Variants in PILRA observed in about 807,000 individuals in gnomAD.
The protein encoded by PILRA is paired immunoglobin like type 2 receptor alpha, also known as paired immunoglobulin-like type 2 receptor alpha.
A neutral mutation model predicts 33.1 loss-of-function variants in PILRA; 37 were observed. The ratio of observed to expected loss-of-function variants is 1.12; its 90% CI spans 0.86 to 1.47. The LOEUF is 1.47. PILRA is among the 40% of genes most tolerant of loss of function. PILRA has a pLI of 0.00. For missense variants in PILRA, 312 were observed against 376.2 expected, an observed-to-expected ratio of 0.83 and a Z score of 1.41; for synonymous variants, 146 against 149.9, an observed-to-expected ratio of 0.97 and a Z score of 0.19.
intron 3 of PILRA, among the ~76,000 whole-genome samples, chr7:100,397,434 G>A (rs527732889): frequency 1.3e-5 from 2 of 151,446 alleles, no homozygotes; most frequent in African/African-American, 4.9e-5. Context: ...TGAGTCCCAA[G>A]CACGACGCTC....
At chr7:100,390,609 A>G (rs887165674) in intron 3 of PILRA, among the ~76,000 whole-genome samples, 1 of 152,188 alleles carries the variant, frequency 6.6e-6, no homozygotes, top group African/African-American at 2.4e-5. Flanking sequence ...CTTCATTGAG[A>G]AAGAACTATG....
At chr7:100,385,171 A>AAAATAAAT in intron 2 of PILRA, among the ~76,000 whole-genome samples, 1 of 152,364 alleles carries the variant, frequency 6.6e-6, no homozygotes, top group East Asian at 1.9e-4. Context: ...GGTTAACACA[A>AAAATAAAT]AAATAAATAG....
intron 2 of PILRA, among the ~76,000 whole-genome samples, chr7:100,378,503 A>C (rs1175025492): frequency 6.6e-6 from 1 of 152,232 alleles, no homozygotes; most frequent in Non-Finnish European, 1.5e-5. Flanking sequence ...CCTATTATGC[A>C]ATTGACAGAA....
chr7:100,392,426 C>G (rs1791406721), intron 3 of PILRA, among the ~76,000 whole-genome samples: 1 of 152,132 alleles, frequency 6.6e-6, no homozygotes, highest in Non-Finnish European at 1.5e-5. Context: ...GGCTGTGCAC[C>G]TCACCTTCCT....
chr7:100,391,248 G>A (rs1212730426), intron 3 of PILRA, among the ~76,000 whole-genome samples: 1 of 149,932 alleles, frequency 6.7e-6, no homozygotes. Flanking sequence ...ACCAGCTACT[G>A]GGAGGCTGAG....
chr7:100,382,013 A>G, intron 2 of PILRA, among the ~76,000 whole-genome samples: 1 of 85,924 alleles, frequency 1.2e-5, no homozygotes. Flanking sequence ...CCCCACCCCC[A>G]CCCCACCCCC....
At chr7:100,391,652 A>G (rs999428685) in intron 3 of PILRA, among the ~76,000 whole-genome samples, 11 of 152,202 alleles carry the variant, frequency 7.2e-5, no homozygotes, top group Non-Finnish European at 1.3e-4. Flanking sequence ...GTGCCACTAC[A>G]CTGCAGCCTG....
At chr7:100,374,012 T>G (rs1584208160) in intron 1 of PILRA, 32 bp from the exon 2 acceptor site, 1 of 1,601,942 alleles carries the variant, frequency 6.2e-7, no homozygotes, top group African/African-American at 1.3e-5. Flanking sequence ...GGTTTCAAGG[T>G]CTCTCCCCTA....
chr7:100,398,025 C>A (rs1791536117), intron 4 of PILRA, 113 bp downstream of exon 4: 5 of 1,034,690 alleles, frequency 4.8e-6, no homozygotes, highest in East Asian at 2.5e-5. Context: ...CCTGCCACGG[C>A]CATTGTTGCA....
At chr7:100,390,902 G>A (rs968350054) in intron 3 of PILRA, among the ~76,000 whole-genome samples, 3 of 152,014 alleles carry the variant, frequency 2.0e-5, no homozygotes, top group Admixed American at 6.6e-5. Flanking sequence ...CTCAGCTACC[G>A]TGAGAGACCT....
chr7:100,390,129 C>T (rs1476668922), intron 3 of PILRA, 23 bp downstream of exon 3: 1 of 1,593,458 alleles, frequency 6.3e-7, no homozygotes, highest in Non-Finnish European at 8.6e-7. Context: ...GACCCGCCCT[C>T]TCCCCAAGCC....
At chr7:100,381,712 T>G (rs539741365) in intron 2 of PILRA, among the ~76,000 whole-genome samples, 1 of 152,216 alleles carries the variant, frequency 6.6e-6, no homozygotes, top group Non-Finnish European at 1.5e-5. Context: ...TCCCTCAGCT[T>G]GCAGGCAGGT....
At chr7:100,399,687 T>C in intron 6 of PILRA, 75 bp downstream of exon 6, 1 of 1,608,912 alleles carries the variant, frequency 6.2e-7, no homozygotes. Context: ...AGAAGGGGAG[T>C]GTGGTGTGGG....
At position 100,393,005 on chromosome 7, in the gene PILRA, T is replaced by G. The variant is rs187228215; in HGVS notation, c.673+2899T>G. Among the ~76,000 whole-genome samples the G allele has an allele frequency of 2.2e-3, 334 of 152,212 alleles. 2 individuals are homozygous for G. Among genetic ancestry groups the G allele is most frequent in the Middle Eastern group, 6.8e-3 (2 of 294 alleles). On this transcript the variant is annotated intron_variant, in intron 3 of 6. Coordinates refer to ENST00000198536, the MANE Select transcript of PILRA (RefSeq NM_013439.3). The stretch of plus-strand genomic sequence containing the variant: ...ATTAAAATATTAAAATCTGGCCAGG[T>G]GCAGTGGCTCATGCCTGTAATCCTA...
intron 2 of PILRA, among the ~76,000 whole-genome samples, chr7:100,388,503 C>T (rs1791306530): frequency 6.6e-6 from 1 of 151,588 alleles, no homozygotes; most frequent in Non-Finnish European, 1.5e-5. Flanking sequence ...GAAGCTGAGG[C>T]GGGCAGATCA....
intron 2 of PILRA, among the ~76,000 whole-genome samples, chr7:100,375,625 G>A (rs1392412137): frequency 6.6e-6 from 1 of 152,156 alleles, no homozygotes; most frequent in Non-Finnish European, 1.5e-5. Flanking sequence ...CTAGCTACTC[G>A]GGAGGCTGAG....
chr7:100,390,149 G>T (rs1791357188), intron 3 of PILRA, 43 bp downstream of exon 3: 1 of 1,567,424 alleles, frequency 6.4e-7, no homozygotes, highest in Non-Finnish European at 8.8e-7. Flanking sequence ...CTCCCATCTG[G>T]GGGTTTCTCA....
At chr7:100,375,112 C>T (rs1790915683) in intron 2 of PILRA, among the ~76,000 whole-genome samples, 1 of 152,166 alleles carries the variant, frequency 6.6e-6, no homozygotes, top group Admixed American at 6.5e-5. Flanking sequence ...TCTCCCTGGC[C>T]CCTGCAGCCC....
At chr7:100,379,668 CAAAAAA>C (rs57322009) in intron 2 of PILRA, among the ~76,000 whole-genome samples, 1 of 69,040 alleles carries the variant, frequency 1.4e-5, no homozygotes, top group African/African-American at 5.6e-5. Flanking sequence ...ACTCTGTCTC[CAAAAAA>C]AAAAAAAAAA....
Sources: gnomAD v4.1 joint callset for allele counts (sites outside exome capture counted in the v4.1 genomes callset) on GRCh38, gnomAD v4.1.1 for gene constraint, MANE v1.5 for transcripts, NCBI Gene and HGNC (gene_info 2026-07-23, HGNC 2026-07-21) for gene names.